Variants in PTPN5 observed in about 807,000 individuals in gnomAD.
The protein encoded by PTPN5 is protein tyrosine phosphatase non-receptor type 5, also known as tyrosine-protein phosphatase non-receptor type 5.
PTPN5 carries 29 observed loss-of-function variants against 73.9 expected under a neutral mutation model. The ratio of observed to expected loss-of-function variants is 0.39; its 90% CI spans 0.29 to 0.54. The LOEUF (loss-of-function observed/expected upper bound fraction) is 0.54. Among genes scored for constraint, PTPN5 ranks in the 20% least tolerant of loss-of-function variants. The pLI, the probability that PTPN5 is intolerant of heterozygous loss-of-function variation, is 0.65. For missense variants in PTPN5, 652 were observed against 751.4 expected (o/e 0.87, Z 1.55); for synonymous variants, 267 against 304.7 (o/e 0.88, Z 1.29).
At chr11:18,792,152 C>T (rs2134393035), upstream of PTPN5, 1 of 152,352 alleles carries the variant, frequency 6.6e-6, no homozygotes, top group Non-Finnish European at 1.5e-5. Flanking sequence ...CGGCAACTGC[C>T]AGAGGGACCC....
At chr11:18,764,698 CTTTGTTTTGT>C (rs531773887) in intron 3 of PTPN5, among the ~76,000 whole-genome samples, 1,803 of 151,912 alleles carry the variant, frequency 0.012, 26 homozygotes, top group African/African-American at 0.041. Flanking sequence ...AAAGACTTGT[CTTTGTTTTGT>C]TTTGTTTTGT....
chr11:18,756,241 A>T (rs564563858), intron 3 of PTPN5, among the ~76,000 whole-genome samples: 1 of 151,366 alleles, frequency 6.6e-6, no homozygotes, highest in Non-Finnish European at 1.5e-5. Flanking sequence ...TCTGGTTCAG[A>T]CAGCCTAGTT....
At chr11:18,777,475 C>G (rs781691156) in intron 1 of PTPN5, among the ~76,000 whole-genome samples, 2 of 152,156 alleles carry the variant, frequency 1.3e-5, no homozygotes, top group African/African-American at 2.4e-5. Context: ...TCAGGCTTTG[C>G]CTGTTTCCCA....
intron 3 of PTPN5, among the ~76,000 whole-genome samples, chr11:18,757,004 C>T (rs1850186515): frequency 6.6e-6 from 1 of 151,784 alleles, no homozygotes; most frequent in Non-Finnish European, 1.5e-5. Flanking sequence ...ACCTGTCCCA[C>T]ACATCATTTT....
chr11:18,779,459 A>G (rs1851320889), intron 1 of PTPN5, among the ~76,000 whole-genome samples: 1 of 152,240 alleles, frequency 6.6e-6, no homozygotes. Flanking sequence ...TTTAATAAAT[A>G]GCAGCTGCAG....
Position 18,729,308 on chromosome 11 carries a change from CT to C in PTPN5, c.1604+144del. On this transcript the variant is annotated intron_variant, in intron 14 of 14. Coordinates refer to ENST00000358540, the MANE Select transcript of PTPN5 (RefSeq NM_006906.2). The surrounding 1 kb of genome is among the most constrained non-coding windows in gnomAD (Gnocchi z 5.2). The stretch of plus-strand genomic sequence containing the variant: ...GATCCTGCCCCTCTACCCAGCTGTC[CT>C]CGCTACTCCTTGTCTGCCCATCAGT... 1 of 631,110 alleles carries C rather than the reference CT, an allele frequency of 1.6e-6. No homozygotes were observed. The highest frequency in any genetic ancestry group is 2.9e-6 in the Non-Finnish European group (1 of 348,972). The allele number at this position is 631,110 out of a possible 1,614,324, so 39.1% of individuals were successfully genotyped here. A position where few individuals can be genotyped will look rare whatever the true frequency, so the allele number is the denominator to read the frequency against.
rs997862220 is a variant in PTPN5 at position 18,742,859 on chromosome 11, G to A, written c.483+133C>T. On this transcript the variant is annotated intron_variant, in intron 6 of 14. Coordinates refer to ENST00000358540, the MANE Select transcript of PTPN5 (RefSeq NM_006906.2). The surrounding 1 kb of genome is among the most constrained non-coding windows in gnomAD (Gnocchi z 4.1). Reference sequence around the variant, plus strand: ...GCTCTTGCCCCAGGCTGGCACACTTGTGCAAAGAGATAGGTATCCCTCCTT... The same window carrying A: ...GCTCTTGCCCCAGGCTGGCACACTTATGCAAAGAGATAGGTATCCCTCCTT... 9 of 710,724 alleles carry A rather than the reference G, an allele frequency of 1.3e-5. No individual in the cohort carries two copies. In the Admixed American group the frequency reaches 2.4e-4, roughly 19 times the overall value. The allele number at this position is 710,724 out of a possible 1,614,324, so 44.0% of individuals were successfully genotyped here.
intron 3 of PTPN5, among the ~76,000 whole-genome samples, chr11:18,762,155 T>C (rs986696164): frequency 6.6e-6 from 1 of 152,066 alleles, no homozygotes. Flanking sequence ...CTGTATGACC[T>C]GTCCTGTGTT....
chr11:18,734,137 GAT>G (rs2134196447), intron 9 of PTPN5, among the ~76,000 whole-genome samples: 2 of 152,328 alleles, frequency 1.3e-5, no homozygotes, highest in South Asian at 4.1e-4. Flanking sequence ...TGAGAAAAGA[GAT>G]GTGAAAGTTC....
Position 18,769,075 on chromosome 11 carries a change from GC to G in PTPN5, c.20+2863del, listed in dbSNP as rs529688148. ...AAGGGACTTGGAAATCACCCAGCCT[GC>G]CCCCACTTCACTGATGGAGGATGTC... On this transcript the variant is annotated intron_variant, in intron 2 of 14. Coordinates refer to ENST00000358540, the MANE Select transcript of PTPN5 (RefSeq NM_006906.2). Among the ~76,000 whole-genome samples the G allele has an allele frequency of 2.7e-3, 413 of 152,286 alleles. 4 individuals are homozygous for G. Among genetic ancestry groups the G allele is most frequent in the African/African-American group, 9.4e-3 (392 of 41,556 alleles).
chr11:18,734,370 T>G (rs1187367946), intron 9 of PTPN5, among the ~76,000 whole-genome samples: 2 of 152,124 alleles, frequency 1.3e-5, no homozygotes, highest in Non-Finnish European at 1.5e-5. Context: ...TCAGCTGGAG[T>G]GCAGTGGCAC....
At chr11:18,789,079 G>C (rs745529335) in intron 1 of PTPN5, among the ~76,000 whole-genome samples, 55 of 152,194 alleles carry the variant, frequency 3.6e-4, no homozygotes, top group Non-Finnish European at 7.1e-4. Flanking sequence ...GGAATTTTTT[G>C]AGGGAGGAGG....
chr11:18,784,249 C>T (rs772320338), intron 1 of PTPN5, among the ~76,000 whole-genome samples: 10 of 152,038 alleles, frequency 6.6e-5, no homozygotes, highest in Non-Finnish European at 1.5e-4. Flanking sequence ...TTCACAATAG[C>T]CAAAAGGTGG....
intron 9 of PTPN5, among the ~76,000 whole-genome samples, chr11:18,737,309 C>A (rs992410224): frequency 1.3e-5 from 2 of 152,184 alleles, no homozygotes; most frequent in Non-Finnish European, 2.9e-5. Flanking sequence ...CTGCTCGTGC[C>A]GCCTCACTTG....
intron 8 of PTPN5, 101 bp from the exon 9 acceptor site, chr11:18,738,065 G>A: frequency 1.1e-6 from 1 of 872,420 alleles, no homozygotes; most frequent in Non-Finnish European, 1.9e-6. Flanking sequence ...GGGCTGGCTT[G>A]AGTGCACGCA....
chr11:18,777,004 A>G (rs1459386120), intron 1 of PTPN5, among the ~76,000 whole-genome samples: 1 of 152,192 alleles, frequency 6.6e-6, no homozygotes, highest in African/African-American at 2.4e-5. Context: ...TCTACTAAAA[A>G]TACAAAATTA....
At chr11:18,787,750 A>T (rs10732466) in intron 1 of PTPN5, among the ~76,000 whole-genome samples, 148,741 of 152,292 alleles carry the variant, frequency 0.98, 72,690 homozygotes, top group East Asian at 1. Flanking sequence ...CTTCCTACTT[A>T]ATTTTTCTCC....
rs114670292 is a variant in PTPN5, at chr11:18,780,678, A to G, written c.-113-8607T>C. ...CACTTTTTGTGACTTGGAAACTGGT[A>G]ATGAGCCACACCCTGTCCCGGGCTG... On this transcript the variant is annotated intron_variant, in intron 1 of 14. Transcript: ENST00000358540. Among the ~76,000 whole-genome samples the G allele has an allele frequency of 5.3e-3, 813 of 152,138 alleles. 7 individuals are homozygous for G. Among genetic ancestry groups the G allele is most frequent in the African/African-American group, 0.019 (796 of 41,492 alleles).
chr11:18,734,772 C>T (rs1048610777), intron 9 of PTPN5, among the ~76,000 whole-genome samples: 5 of 152,182 alleles, frequency 3.3e-5, no homozygotes, highest in Non-Finnish European at 7.4e-5. Context: ...GCCCCAGATT[C>T]CTGGGTTCTG....
Sources: gnomAD v4.1 joint callset for allele counts (sites outside exome capture counted in the v4.1 genomes callset) on GRCh38, gnomAD v4.1.1 for gene constraint, Gnocchi (gnomAD v3.1) non-coding constraint, MANE v1.5 for transcripts, NCBI Gene and HGNC (gene_info 2026-07-23, HGNC 2026-07-21) for gene names.